The following ASTN1 variants were observed in gnomAD, a reference collection of about 807,000 sequenced individuals.
ASTN1 encodes astrotactin-1.
In ASTN1, 41 loss-of-function variants were observed where a neutral mutation model predicts 140.7. The ratio of observed to expected loss-of-function variants is 0.29; its 90% CI spans 0.23 to 0.38. ASTN1 has a LOEUF of 0.38. Among genes scored for constraint, ASTN1 ranks in the 10% least tolerant of loss-of-function variants. The pLI is 1.00. For synonymous variants in ASTN1, 640 were observed against 652.2 expected (o/e 0.98, Z 0.29); for missense variants, 1,479 against 1,678.8 (o/e 0.88, Z 2.08).
intron 17 of ASTN1, among the ~76,000 whole-genome samples, chr1:176,889,629 T>C (rs1184946054): frequency 6.6e-6 from 1 of 152,232 alleles, no homozygotes; most frequent in Non-Finnish European, 1.5e-5. Context: ...TAAGGGTCCA[T>C]CCTGCCCCCT....
At chr1:176,859,505 C>G (rs1321599048), downstream of ASTN1, among the ~76,000 whole-genome samples, 9 of 152,194 alleles carry the variant, frequency 5.9e-5, no homozygotes, top group Admixed American at 5.9e-4. Context: ...AGACCCCTGG[C>G]CGGGCACAGT....
intron 9 of ASTN1, among the ~76,000 whole-genome samples, chr1:176,962,545 G>A (rs998868122): frequency 5.9e-5 from 9 of 152,052 alleles, no homozygotes; most frequent in South Asian, 2.1e-4. Flanking sequence ...GGAAAAATAG[G>A]CAGTTGAAAA....
intron 9 of ASTN1, among the ~76,000 whole-genome samples, chr1:176,963,745 T>G (rs1292395643): frequency 6.6e-6 from 1 of 152,212 alleles, no homozygotes; most frequent in African/African-American, 2.4e-5. Context: ...CAGATTCCAC[T>G]AGGCTCCTCA....
At chr1:176,857,652 T>C, downstream of ASTN1, 1 of 614,740 alleles carries the variant, frequency 1.6e-6, no homozygotes, top group Non-Finnish European at 3.0e-6. Flanking sequence ...GCTGGAAGCC[T>C]GTTGACAAAG....
chr1:177,012,382 T>G (rs1053363822), intron 8 of ASTN1, among the ~76,000 whole-genome samples: 14 of 152,210 alleles, frequency 9.2e-5, no homozygotes, highest in African/African-American at 3.1e-4. Flanking sequence ...AAACTCACAC[T>G]GCTTATCACT....
chr1:177,076,278 C>CAAAAAAAAAAAA (rs1171864161), intron 1 of ASTN1, among the ~76,000 whole-genome samples: 1 of 77,624 alleles, frequency 1.3e-5, no homozygotes, highest in Non-Finnish European at 2.4e-5. Flanking sequence ...GACTATGTCT[C>CAAAAAAAAAAAA]AAAAAAAAAA....
intron 8 of ASTN1, among the ~76,000 whole-genome samples, chr1:176,970,264 A>T (rs1396017725): frequency 6.6e-6 from 1 of 152,180 alleles, no homozygotes; most frequent in Non-Finnish European, 1.5e-5. Context: ...CTTGTCCTTC[A>T]TGCTGATAGC....
intron 1 of ASTN1, among the ~76,000 whole-genome samples, chr1:177,104,971 C>T (rs1008160372): frequency 2.6e-5 from 4 of 152,146 alleles, no homozygotes; most frequent in African/African-American, 9.7e-5. Flanking sequence ...TTTTCACAGA[C>T]GGGCATTCCT....
At chr1:176,868,209 G>T (rs561346209) in intron 22 of ASTN1, among the ~76,000 whole-genome samples, 34 of 152,282 alleles carry the variant, frequency 2.2e-4, no homozygotes, top group African/African-American at 7.5e-4. Context: ...CAGAACAAAA[G>T]AAAAGTGATA....
chr1:177,156,918 C>A (rs1683262273), intron 1 of ASTN1, among the ~76,000 whole-genome samples: 2 of 152,166 alleles, frequency 1.3e-5, no homozygotes, highest in Non-Finnish European at 1.5e-5. Context: ...ATGAGAAAAA[C>A]ATCAGACAAA....
At chr1:177,046,947 C>T (rs1298791331) in intron 2 of ASTN1, among the ~76,000 whole-genome samples, 1 of 152,184 alleles carries the variant, frequency 6.6e-6, no homozygotes, top group Non-Finnish European at 1.5e-5. Flanking sequence ...CATTTAACCT[C>T]TTTGAGCCTC....
chr1:176,883,084 T>A lies in ASTN1; in HGVS notation c.3227-90A>T, dbSNP rs894272425. On this transcript the variant is annotated intron_variant, in intron 19 of 22. Transcript: ENST00000361833. ...GAGTCAACTCAATGAGAACTTAACA[T>A]GACAATGATTTGGTCCTCAATCTCT... 3.3e-6 allele frequency: 5 copies of A among 1,528,918 alleles called. No homozygotes were observed. In the Admixed American group the frequency reaches 8.5e-5, roughly 26 times the overall value. 94.7% of individuals were successfully genotyped at this position (1,528,918 alleles called of 1,614,324 possible).
At chr1:176,898,384 G>A (rs1261163210) in intron 16 of ASTN1, among the ~76,000 whole-genome samples, 1 of 152,362 alleles carries the variant, frequency 6.6e-6, no homozygotes, top group East Asian at 1.9e-4. Context: ...CAGGAGTGAT[G>A]AGCAGCAAGC....
At chr1:177,096,647 A>C (rs1680038650) in intron 1 of ASTN1, among the ~76,000 whole-genome samples, 1 of 152,040 alleles carries the variant, frequency 6.6e-6, no homozygotes, top group African/African-American at 2.4e-5. Context: ...ATAGTGAAAA[A>C]GTCTCATGAG....
chr1:176,952,499 A>G (rs890419547), intron 11 of ASTN1, among the ~76,000 whole-genome samples: 1 of 152,152 alleles, frequency 6.6e-6, no homozygotes, highest in Non-Finnish European at 1.5e-5. Flanking sequence ...TCCAGAAAAA[A>G]AAAAGGCTAA....
intron 14 of ASTN1, among the ~76,000 whole-genome samples, chr1:176,939,111 CAA>C (rs34775788): frequency 2.3e-5 from 3 of 131,738 alleles, no homozygotes; most frequent in Non-Finnish European, 3.3e-5. Context: ...GACACCATCT[CAA>C]AAAAAAAAAA....
At chr1:176,902,226 T>C (rs1293427213) in intron 16 of ASTN1, among the ~76,000 whole-genome samples, 2 of 152,252 alleles carry the variant, frequency 1.3e-5, no homozygotes, top group Admixed American at 6.5e-5. Flanking sequence ...CTCCAATCCC[T>C]GTTGACGTTT....
chr1:176,990,187 G>A (rs2101895470), intron 8 of ASTN1, among the ~76,000 whole-genome samples: 1 of 115,994 alleles, frequency 8.6e-6, no homozygotes, highest in Non-Finnish European at 1.6e-5. Context: ...TTATCTGGCT[G>A]TCCCTCAACT....
At chr1:177,060,971 A>T (rs1678053388) in intron 2 of ASTN1, 107 bp downstream of exon 2, 1 of 1,132,616 alleles carries the variant, frequency 8.8e-7, no homozygotes, top group African/African-American at 1.6e-5. Flanking sequence ...ATGATCAATG[A>T]TCATTACAGA....
Sources: allele counts gnomAD v4.1 joint callset (sites outside exome capture counted in the v4.1 genomes callset), GRCh38; gene constraint gnomAD v4.1.1; transcripts MANE v1.5; gene names NCBI Gene and HGNC (gene_info 2026-07-23, HGNC 2026-07-21).